Variants in WFDC9 observed in about 807,000 individuals in gnomAD.
WFDC9 encodes WAP four-disulfide core domain 9, also known as protein WFDC9.
A neutral mutation model predicts 9.5 loss-of-function variants in WFDC9; 9 were observed. The ratio of observed to expected loss-of-function variants is 0.95; its 90% CI spans 0.57 to 1.65. The LOEUF is 1.65. WFDC9 is among the 40% of genes most tolerant of loss of function. WFDC9 has a pLI of 0.00. For synonymous variants in WFDC9, 33 were observed against 32.3 expected (o/e 1.02, Z -0.07); for missense variants, 87 against 106.7 (o/e 0.82, Z 0.81).
intron 1 of WFDC9, among the ~76,000 whole-genome samples, chr20:45,626,315 T>C (rs1982218482): frequency 6.6e-6 from 1 of 152,246 alleles, no homozygotes; most frequent in Non-Finnish European, 1.5e-5. Context: ...GGATTTATTT[T>C]ATATTACTGT....
rs370860448 is a variant in WFDC9 at position 45,631,057 on chromosome 20, C to T, written c.-153+146G>A. ...CTGGGATGTGCATCCTGCTTCCCAA[C>T]TCCTCTATCCAAGACTGTGCCCACA... On this transcript the variant is annotated intron_variant, in intron 1 of 4. Coordinates refer to ENST00000326000, the MANE Select transcript of WFDC9 (RefSeq NM_147198.4). The T allele has an allele frequency of 4.4e-5, 68 of 1,559,850 alleles. No individual in the cohort carries two copies. In the African/African-American group the frequency reaches 8.9e-4, roughly 20 times the overall value.
At chr20:45,629,717 T>A in intron 1 of WFDC9, 1 of 1,452,668 alleles carries the variant, frequency 6.9e-7, no homozygotes, top group Non-Finnish European at 9.4e-7. Context: ...GAGCTAAAGA[T>A]CATTCCTTCT....
intron 1 of WFDC9, among the ~76,000 whole-genome samples, chr20:45,626,572 G>A (rs957580512): frequency 1.3e-5 from 2 of 151,874 alleles, no homozygotes; most frequent in Admixed American, 6.6e-5. Context: ...TTGCCCTCTT[G>A]GTCTCTTTTT....
rs1297881344 is a variant in WFDC9, at chr20:45,608,879, C to T, written c.92-69G>A. 14 of 1,484,378 alleles carry T rather than the reference C, an allele frequency of 9.4e-6. No individual in the cohort carries two copies. In the East Asian group the frequency reaches 2.4e-4, roughly 25 times the overall value. The allele number at this position is 1,484,378 out of a possible 1,614,324, so 92.0% of individuals were successfully genotyped here. A position where few individuals can be genotyped will look rare whatever the true frequency, so the allele number is the denominator to read the frequency against. ...GACAAGAAACCTTTTCTAAGCTTAA[C>T]AATCCCTTCTGAAACTTGAGCTCCA... On this transcript the variant is annotated intron_variant, in intron 3 of 4. Transcript: ENST00000326000.
intron 2 of WFDC9, among the ~76,000 whole-genome samples, chr20:45,611,207 C>G (rs1000805816): frequency 6.6e-6 from 1 of 152,146 alleles, no homozygotes; most frequent in Non-Finnish European, 1.5e-5. Flanking sequence ...GTCCGTCCTC[C>G]CTCTACTCCC....
chr20:45,631,068 A>G (rs1436553416), intron 1 of WFDC9, 135 bp downstream of exon 1: 5 of 1,512,146 alleles, frequency 3.3e-6, no homozygotes, highest in Non-Finnish European at 4.4e-6. Flanking sequence ...TCCTCTATCC[A>G]AGACTGTGCC....
chr20:45,626,454 C>A (rs1273283686), intron 1 of WFDC9, among the ~76,000 whole-genome samples: 1 of 152,078 alleles, frequency 6.6e-6, no homozygotes, highest in Admixed American at 6.5e-5. Context: ...TTGTTTGTAT[C>A]CTCTTCAATT....
At position 45,608,214 on chromosome 20, in the gene WFDC9, C is replaced by T. The variant is rs959027865; in HGVS notation, c.240-74G>A. On this transcript the variant is annotated intron_variant, in intron 4 of 4. Transcript: ENST00000326000. ...TTTCTAAAATTAATAGCATCCTAGGCCCCAGATGAAAAAGGACAGCAATTC... is the reference window on the plus strand; with the variant it reads ...TTTCTAAAATTAATAGCATCCTAGGTCCCAGATGAAAAAGGACAGCAATTC... The T allele has an allele frequency of 2.0e-5, 29 of 1,481,528 alleles. 1 individual carries two copies. The highest frequency in any genetic ancestry group is 2.2e-5 in the Non-Finnish European group (24 of 1,081,250). 91.8% of individuals were successfully genotyped at this position (1,481,528 alleles called of 1,614,324 possible).
intron 3 of WFDC9, among the ~76,000 whole-genome samples, chr20:45,609,437 G>A (rs968356769): frequency 6.6e-5 from 10 of 152,056 alleles, no homozygotes; most frequent in African/African-American, 1.9e-4. Flanking sequence ...CCCTGACCTC[G>A]TGATCCGCCC....
intron 2 of WFDC9, among the ~76,000 whole-genome samples, chr20:45,611,282 G>A (rs1483458318): frequency 6.6e-6 from 1 of 152,166 alleles, no homozygotes; most frequent in African/African-American, 2.4e-5. Flanking sequence ...GAGCCAGAGT[G>A]GGGGTGGTGG....
At chr20:45,610,055 T>C in intron 3 of WFDC9, 36 bp downstream of exon 3, 1 of 1,560,950 alleles carries the variant, frequency 6.4e-7, no homozygotes, top group African/African-American at 1.4e-5. Context: ...ATCCCAGGAC[T>C]GGGCAGAGCA....
intron 2 of WFDC9, among the ~76,000 whole-genome samples, chr20:45,613,263 C>T (rs910401020): frequency 1.2e-4 from 19 of 152,154 alleles, no homozygotes; most frequent in Admixed American, 3.3e-4. Context: ...ATTTAACATT[C>T]CTTATTTCTC....
intron 2 of WFDC9, among the ~76,000 whole-genome samples, chr20:45,611,079 C>T (rs779470698): frequency 1.3e-5 from 2 of 152,172 alleles, no homozygotes; most frequent in African/African-American, 2.4e-5. Flanking sequence ...AATGGCCAGA[C>T]GACATTTCAT....
intron 1 of WFDC9, among the ~76,000 whole-genome samples, chr20:45,628,691 C>A (rs1568655425): frequency 6.6e-6 from 1 of 152,096 alleles, no homozygotes; most frequent in Admixed American, 6.5e-5. Flanking sequence ...GAGGAAGGTG[C>A]ATAAGGTGAG....
At chr20:45,620,226 A>G (rs888797859) in intron 1 of WFDC9, among the ~76,000 whole-genome samples, 2 of 152,174 alleles carry the variant, frequency 1.3e-5, no homozygotes, top group African/African-American at 4.8e-5. Context: ...CATTTTCAAA[A>G]GAAAATATTG....
chr20:45,625,168 A>G (rs138260094), intron 1 of WFDC9, among the ~76,000 whole-genome samples: 208 of 152,310 alleles, frequency 1.4e-3, no homozygotes, highest in African/African-American at 3.9e-3. Context: ...CACGTCCTAC[A>G]TGGTGGCAGG....
chr20:45,611,858 C>T (rs192348560), intron 2 of WFDC9, among the ~76,000 whole-genome samples: 627 of 152,262 alleles, frequency 4.1e-3, no homozygotes, highest in Non-Finnish European at 6.5e-3. Flanking sequence ...TTGTTCTACT[C>T]TAGGCTATAC....
At chr20:45,630,892 CA>C (rs373484014) in intron 1 of WFDC9, 1 of 1,604,664 alleles carries the variant, frequency 6.2e-7, no homozygotes, top group Non-Finnish European at 8.5e-7. Flanking sequence ...CCCCAGAAAT[CA>C]AAGTCTGCCA....
At chr20:45,630,995 A>G in intron 1 of WFDC9, 1 of 1,603,086 alleles carries the variant, frequency 6.2e-7, no homozygotes, top group African/African-American at 1.3e-5. Context: ...CTACTGTGGG[A>G]ATGTTTGCAT....
Sources: gnomAD v4.1 joint callset for allele counts (sites outside exome capture counted in the v4.1 genomes callset) on GRCh38, gnomAD v4.1.1 for gene constraint, MANE v1.5 for transcripts, NCBI Gene and HGNC (gene_info 2026-07-23, HGNC 2026-07-21) for gene names.